The following ASPA variants were observed in gnomAD, a reference collection of about 807,000 sequenced individuals.
ASPA encodes the protein ACY-2.
ASPA carries 25 observed loss-of-function variants against 29.6 expected under a neutral mutation model. That is an observed-to-expected ratio of 0.85 (90% CI 0.62 to 1.18). The LOEUF (loss-of-function observed/expected upper bound fraction) is 1.18. Among genes scored for constraint, ASPA ranks in the 50% most tolerant of loss-of-function variants. The pLI is 0.00. For missense variants in ASPA, 333 were observed against 385.7 expected (o/e 0.86, Z 1.14); for synonymous variants, 131 against 130.3 (o/e 1.01, Z -0.04).
chr17:3,480,396 G>C (rs369446607), intron 1 of ASPA, among the ~76,000 whole-genome samples: 4 of 152,210 alleles, frequency 2.6e-5, no homozygotes, highest in African/African-American at 9.6e-5. Flanking sequence ...CCAGTGAGTC[G>C]GGAGTGCTGA....
At chr17:3,495,899 G>A (rs1446761630) in intron 5 of ASPA, among the ~76,000 whole-genome samples, 5 of 146,708 alleles carry the variant, frequency 3.4e-5, no homozygotes, top group Admixed American at 3.4e-4. Context: ...GGTAAAGACT[G>A]GGGGAGAGAA....
At position 3,485,022 on chromosome 17, in the gene ASPA, G is replaced by GT. The variant is rs1242504902; in HGVS notation, c.526+1434dup. 1.6e-3 allele frequency among the ~76,000 whole-genome samples: 241 copies of GT among 150,426 alleles called. No homozygotes were observed. The highest frequency in any genetic ancestry group is 4.4e-3 in the South Asian group (21 of 4,756). The stretch of plus-strand genomic sequence containing the variant: ...TGATCATCATTCACAGTAGGGTTTT[G>GT]TTTTGTTTTTTTTCTGGAAAAGGGT... On this transcript the variant is annotated intron_variant, in intron 3 of 5. Coordinates refer to ENST00000263080, the MANE Select transcript of ASPA (RefSeq NM_000049.4). The surrounding 1 kb of genome is among the most constrained non-coding windows in gnomAD (Gnocchi z 4.4).
chr17:3,494,991 C>T (rs532025962), intron 5 of ASPA, among the ~76,000 whole-genome samples: 13 of 152,180 alleles, frequency 8.5e-5, no homozygotes, highest in Admixed American at 3.9e-4. Flanking sequence ...TAGAGAAAAA[C>T]GACTGGAACC....
intron 3 of ASPA, among the ~76,000 whole-genome samples, chr17:3,487,505 C>T (rs980408941): frequency 6.6e-6 from 1 of 152,106 alleles, no homozygotes; most frequent in Non-Finnish European, 1.5e-5. Context: ...ATATCATAGC[C>T]TAAGATTGAT....
At chr17:3,474,667 TAAAG>T (rs1486139920), upstream of ASPA, among the ~76,000 whole-genome samples, 1 of 152,244 alleles carries the variant, frequency 6.6e-6, no homozygotes, top group Non-Finnish European at 1.5e-5. Context: ...TATAAGCTCT[TAAAG>T]GAAGAACATT....
At chr17:3,496,346 A>G (rs1209317787) in intron 5 of ASPA, among the ~76,000 whole-genome samples, 1 of 152,248 alleles carries the variant, frequency 6.6e-6, no homozygotes, top group African/African-American at 2.4e-5. Flanking sequence ...TAAGTGCTGT[A>G]AAAGAAATAC....
rs1449060844 is a variant in ASPA at position 3,501,201 on chromosome 17, A to G, written c.*2113A>G. ...AAGAAAAAAATCATTTCATAAGGCT[A>G]TAGCTGCCATAGATAGTGATTCCTC... On this transcript the variant is annotated 3_prime_UTR_variant, in exon 6 of 6. Coordinates refer to ENST00000263080, the MANE Select transcript of ASPA (RefSeq NM_000049.4). 6.6e-6 allele frequency: 1 copy of G among 152,326 alleles called. No homozygotes were observed. Among genetic ancestry groups the G allele is most frequent in the Non-Finnish European group, 1.5e-5 (1 of 68,068 alleles). 9.4% of individuals were successfully genotyped at this position (152,326 alleles called of 1,614,324 possible).
intron 4 of ASPA, among the ~76,000 whole-genome samples, chr17:3,493,254 G>T (rs2073853173): frequency 6.6e-6 from 1 of 152,130 alleles, no homozygotes; most frequent in African/African-American, 2.4e-5. Flanking sequence ...CTGTCCAAGT[G>T]TCTAATGTAC....
rs193196001 is a variant in ASPA, at chr17:3,500,309, G to A, written c.*1221G>A. 5.4e-4 allele frequency: 83 copies of A among 152,332 alleles called. No individual in the cohort carries two copies. Among genetic ancestry groups the A allele is most frequent in the Admixed American group, 1.5e-3 (23 of 15,306 alleles). The allele number at this position is 152,332 out of a possible 1,614,324, so 9.4% of individuals were successfully genotyped here. ...GACAAAGATGGCTACACTAAACAAC[G>A]GATCTTCAGTGTAGTTGAAACAGCC... is the stretch of plus-strand genomic sequence containing the variant. On this transcript the variant is annotated 3_prime_UTR_variant, in exon 6 of 6. Coordinates refer to ENST00000263080, the MANE Select transcript of ASPA (RefSeq NM_000049.4).
At chr17:3,496,851 G>A (rs946818953) in intron 5 of ASPA, among the ~76,000 whole-genome samples, 9 of 152,240 alleles carry the variant, frequency 5.9e-5, no homozygotes, top group South Asian at 4.1e-4. Flanking sequence ...CGGATCACGC[G>A]GTCAGGAGAT....
At chr17:3,495,495 T>C (rs1196718965) in intron 5 of ASPA, among the ~76,000 whole-genome samples, 1 of 152,240 alleles carries the variant, frequency 6.6e-6, no homozygotes, top group Non-Finnish European at 1.5e-5. Context: ...AATCCTGCTT[T>C]GTGGCTTAAT....
At chr17:3,484,351 T>C (rs9910285) in intron 3 of ASPA, among the ~76,000 whole-genome samples, 42,314 of 151,952 alleles carry the variant, frequency 0.28, 6,394 homozygotes, top group East Asian at 0.57. Flanking sequence ...GCTTCGTATG[T>C]GATGAGAAAA....
At chr17:3,474,730 C>T (rs1224950897), upstream of ASPA, among the ~76,000 whole-genome samples, 1 of 152,052 alleles carries the variant, frequency 6.6e-6, no homozygotes, top group Non-Finnish European at 1.5e-5. Context: ...ATTTTTCCAC[C>T]ATGTATTTGG....
At position 3,502,679 on chromosome 17, in the gene ASPA, T is replaced by C. The variant is rs1357074682; in HGVS notation, c.*3591T>C. 1.3e-5 allele frequency: 2 copies of C among 152,282 alleles called. No homozygotes were observed. The highest frequency in any genetic ancestry group is 2.9e-5 in the Non-Finnish European group (2 of 68,058). 9.4% of individuals were successfully genotyped at this position (152,282 alleles called of 1,614,324 possible). Reference sequence around the variant, plus strand: ...CCCACACAGCATTGCTACTGTGGCATGCCCACTGCTCTGCACTGACCTCAT... The same window carrying C: ...CCCACACAGCATTGCTACTGTGGCACGCCCACTGCTCTGCACTGACCTCAT... On this transcript the variant is annotated 3_prime_UTR_variant, in exon 6 of 6. Coordinates refer to ENST00000263080, the MANE Select transcript of ASPA (RefSeq NM_000049.4).
upstream of ASPA, chr17:3,475,749 C>T (rs546372959): frequency 7.9e-5 from 15 of 191,072 alleles, no homozygotes; most frequent in South Asian, 1.1e-3. Context: ...AAATTAGAAA[C>T]GTATAAACTA....
chr17:3,494,077 C>A (rs894559296), intron 4 of ASPA, among the ~76,000 whole-genome samples: 12 of 151,172 alleles, frequency 7.9e-5, no homozygotes, highest in African/African-American at 2.9e-4. Flanking sequence ...ACTCTTGTTG[C>A]CCAGGTTGGA....
chr17:3,480,745 G>A (rs568261378), intron 1 of ASPA, among the ~76,000 whole-genome samples: 9 of 152,196 alleles, frequency 5.9e-5, no homozygotes, highest in East Asian at 1.9e-4. Context: ...GGAAAGGGCT[G>A]TTATCATCTT....
chr17:3,475,749 CG>C (rs1488094341), upstream of ASPA: 1 of 190,954 alleles, frequency 5.2e-6, no homozygotes, highest in African/African-American at 2.4e-5. Flanking sequence ...AAATTAGAAA[CG>C]TATAAACTAT....
intron 1 of ASPA, among the ~76,000 whole-genome samples, chr17:3,480,146 G>A (rs2073602274): frequency 1.3e-5 from 2 of 152,126 alleles, no homozygotes; most frequent in Admixed American, 1.3e-4. Context: ...TGTAATTCCA[G>A]CACTTTGGGA....
Sources: gnomAD v4.1 joint callset for allele counts (sites outside exome capture counted in the v4.1 genomes callset) on GRCh38, gnomAD v4.1.1 for gene constraint, Gnocchi (gnomAD v3.1) non-coding constraint, MANE v1.5 for transcripts, NCBI Gene and HGNC (gene_info 2026-07-23, HGNC 2026-07-21) for gene names.